Variants in GHR observed in about 807,000 individuals in gnomAD.
The protein encoded by GHR is GH receptor.
Under a neutral mutation model 67.1 loss-of-function variants are expected in GHR, and 35 were observed. That is an observed-to-expected ratio of 0.52 (90% CI 0.40 to 0.69). The LOEUF (loss-of-function observed/expected upper bound fraction) is 0.69. Ranked by LOEUF, GHR falls within the 30% of genes least tolerant of loss-of-function variation. GHR has a pLI of 0.00. For synonymous variants in GHR, 272 were observed against 269.1 expected, an observed-to-expected ratio of 1.01 and a Z score of -0.10; for missense variants, 792 against 764.6, an observed-to-expected ratio of 1.04 and a Z score of -0.42.
intron 1 of GHR, among the ~76,000 whole-genome samples, chr5:42,504,745 G>A (rs1256779724): frequency 4.6e-5 from 7 of 152,048 alleles, no homozygotes; most frequent in Non-Finnish European, 5.9e-5. Flanking sequence ...AGAACGGAGC[G>A]AGATTCCGTC....
At chr5:42,684,878 G>A (rs1295859868) in intron 3 of GHR, among the ~76,000 whole-genome samples, 1 of 152,068 alleles carries the variant, frequency 6.6e-6, no homozygotes, top group East Asian at 1.9e-4. Flanking sequence ...TTGTACTATT[G>A]AGGGCAACAG....
At chr5:42,524,642 G>A (rs1747625120) in intron 1 of GHR, among the ~76,000 whole-genome samples, 1 of 152,182 alleles carries the variant, frequency 6.6e-6, no homozygotes, top group Non-Finnish European at 1.5e-5. Flanking sequence ...CCTAGACCAT[G>A]GGGAAAATGT....
At position 42,718,648 on chromosome 5, in the gene GHR, G is replaced by T; in HGVS notation, c.1141G>T (p.Asp381Tyr). ...EKSHSNLGVK[D>Y]GDSGRTSCCE... ...ATCACATAGTAACCTAGGGGTGAAG[G>T]ATGGCGACTCTGGACGTACCAGCTG... Residue 381 changes from aspartate to tyrosine, a missense_variant, in exon 10 of 10, where the codon GAT becomes TAT. Transcript: ENST00000230882. The T allele has an allele frequency of 6.2e-7, 1 of 1,614,156 alleles. No homozygotes were observed. The highest frequency in any genetic ancestry group is 8.5e-7 in the Non-Finnish European group (1 of 1,180,012).
Position 42,449,671 on chromosome 5 carries a change from C to T in GHR, c.-12+25716C>T, listed in dbSNP as rs143807078. Among the ~76,000 whole-genome samples the T allele has an allele frequency of 3.4e-3, 522 of 152,194 alleles. 8 individuals are homozygous for T. The highest frequency in any genetic ancestry group is 0.012 in the African/African-American group (486 of 41,530). Reference sequence around the variant, plus strand: ...ACTCTGGCTAGGACTTCTAGAACTACGCTGAATAGAAGTGGTGACAGTGGG... The same window carrying T: ...ACTCTGGCTAGGACTTCTAGAACTATGCTGAATAGAAGTGGTGACAGTGGG... On this transcript the variant is annotated intron_variant, in intron 1 of 9. Coordinates refer to ENST00000230882, the MANE Select transcript of GHR (RefSeq NM_000163.5).
chr5:42,711,967 T>C (rs1758482016), intron 7 of GHR, among the ~76,000 whole-genome samples: 1 of 152,100 alleles, frequency 6.6e-6, no homozygotes, highest in African/African-American at 2.4e-5. Context: ...ACAACAATGA[T>C]TAAAGTTTTT....
At chr5:42,648,885 C>G (rs1754880947) in intron 3 of GHR, among the ~76,000 whole-genome samples, 1 of 152,164 alleles carries the variant, frequency 6.6e-6, no homozygotes, top group Non-Finnish European at 1.5e-5. Flanking sequence ...CTGTGACAAC[C>G]TGCAATATCT....
intron 6 of GHR, among the ~76,000 whole-genome samples, chr5:42,708,933 T>C (rs370766886): frequency 5.3e-5 from 8 of 152,298 alleles, no homozygotes; most frequent in East Asian, 3.9e-4. Flanking sequence ...AGTTTGGTAA[T>C]TTACAAAGGT....
chr5:42,660,728 T>A (rs908328561), intron 3 of GHR, among the ~76,000 whole-genome samples: 2 of 152,196 alleles, frequency 1.3e-5, no homozygotes, highest in African/African-American at 2.4e-5. Context: ...AGGAACGCAG[T>A]TCCTCACCAG....
intron 6 of GHR, among the ~76,000 whole-genome samples, chr5:42,709,928 G>A (rs559444998): frequency 6.6e-6 from 1 of 151,774 alleles, no homozygotes; most frequent in African/African-American, 2.4e-5. Context: ...TATGAAGAGA[G>A]GACCACAACT....
intron 1 of GHR, among the ~76,000 whole-genome samples, chr5:42,547,850 AT>A (rs34143467): frequency 0.31 from 47,714 of 152,014 alleles, 9,011 homozygotes; most frequent in African/African-American, 0.52. Context: ...TAATTTCTTC[AT>A]TTACAAGATG....
intron 1 of GHR, among the ~76,000 whole-genome samples, chr5:42,556,199 C>G (rs924931799): frequency 2.6e-5 from 4 of 152,132 alleles, no homozygotes; most frequent in Non-Finnish European, 5.9e-5. Context: ...AAAACCTACG[C>G]TTCTGTTAAC....
chr5:42,485,331 T>C (rs1419679082), intron 1 of GHR, among the ~76,000 whole-genome samples: 1 of 152,242 alleles, frequency 6.6e-6, no homozygotes, highest in Non-Finnish European at 1.5e-5. Context: ...CTTCCTTGTT[T>C]TCCTTTTTTA....
chr5:42,668,079 C>A (rs891256395), intron 3 of GHR, among the ~76,000 whole-genome samples: 2 of 152,034 alleles, frequency 1.3e-5, no homozygotes, highest in African/African-American at 4.8e-5. Context: ...TCTCACTGCA[C>A]CTAAAGAGTG....
Position 42,685,701 on chromosome 5 carries a change from C to T in GHR, c.137-3189C>T, listed in dbSNP as rs187494210. Among the ~76,000 whole-genome samples, 321 of 152,168 alleles carry T rather than the reference C, an allele frequency of 2.1e-3. 8 individuals carry two copies. Among genetic ancestry groups the T allele is most frequent in the Admixed American group, 0.016 (252 of 15,284 alleles). On this transcript the variant is annotated intron_variant, in intron 3 of 9. Coordinates refer to ENST00000230882, the MANE Select transcript of GHR (RefSeq NM_000163.5). ...GCATTTCTCTGATGACCGGTGATGA[C>T]GAGCATTTTTTCATGTGTCTGTTGG...
chr5:42,558,212 A>G (rs779899132), intron 1 of GHR, among the ~76,000 whole-genome samples: 1 of 152,190 alleles, frequency 6.6e-6, no homozygotes, highest in Non-Finnish European at 1.5e-5. Flanking sequence ...CACAGATACA[A>G]TCACACCTAA....
chr5:42,646,450 C>CTTT, intron 3 of GHR: 1 of 340,718 alleles, frequency 2.9e-6, no homozygotes, highest in Admixed American at 3.7e-5. Context: ...AAAGTAAAAG[C>CTTT]TTTTTTTTTT....
intron 1 of GHR, among the ~76,000 whole-genome samples, chr5:42,512,575 G>T (rs1459761522): frequency 6.6e-6 from 1 of 152,096 alleles, no homozygotes; most frequent in Admixed American, 6.5e-5. Context: ...CCTGTCCCCA[G>T]TACTCAGATA....
chr5:42,666,555 T>C (rs558579825), intron 3 of GHR, among the ~76,000 whole-genome samples: 56 of 152,162 alleles, frequency 3.7e-4, no homozygotes, highest in South Asian at 8.3e-4. Context: ...TAAATTTGAG[T>C]TTAAATTAAT....
At chr5:42,467,617 C>G in intron 1 of GHR, 1 of 1,605,948 alleles carries the variant, frequency 6.2e-7, no homozygotes. Context: ...GAAGGCTTTC[C>G]CACATTTTGA....
Sources: gnomAD v4.1 joint callset for allele counts (sites outside exome capture counted in the v4.1 genomes callset) on GRCh38, gnomAD v4.1.1 for gene constraint, MANE v1.5 for transcripts, NCBI Gene and HGNC (gene_info 2026-07-23, HGNC 2026-07-21) for gene names.